The following LUZP2 variants were observed in gnomAD, a reference collection of about 807,000 sequenced individuals.
The protein encoded by LUZP2 is leucine zipper protein 2.
In LUZP2, 52 loss-of-function variants were observed where a neutral mutation model predicts 51.6. That is an observed-to-expected ratio of 1.01 (90% CI 0.81 to 1.27). LUZP2 has a LOEUF of 1.27. Ranked by LOEUF, LUZP2 falls within the 50% of genes most tolerant of loss-of-function variation. The probability of loss-of-function intolerance (pLI) is 0.00; values close to 1 mark genes in which losing one functional copy is unlikely to be tolerated. For missense variants in LUZP2, 436 were observed against 395.4 expected (o/e 1.10, Z -0.87); for synonymous variants, 154 against 137.3 (o/e 1.12, Z -0.85).
In LUZP2 at chr11:24,645,187, A is replaced by G. The variant is rs1424270270; in HGVS notation, c.63-83982A>G. Reference sequence around the variant, plus strand: ...CTATTGCAAATTTGAGAAAGAAAGGAAATATGTTTTTAAAGAGAGAGACCA... The same window carrying G: ...CTATTGCAAATTTGAGAAAGAAAGGGAATATGTTTTTAAAGAGAGAGACCA... On this transcript the variant is annotated intron_variant, in intron 1 of 11. Coordinates refer to ENST00000336930, the MANE Select transcript of LUZP2 (RefSeq NM_001009909.4). Among the ~76,000 whole-genome samples the G allele has an allele frequency of 2.0e-5, 3 of 152,154 alleles. No individual in the cohort carries two copies. In the East Asian group the frequency reaches 5.8e-4, roughly 29 times the overall value.
At chr11:24,594,848 C>T (rs1468084860) in intron 1 of LUZP2, among the ~76,000 whole-genome samples, 1 of 148,356 alleles carries the variant, frequency 6.7e-6, no homozygotes, top group Non-Finnish European at 1.5e-5. Context: ...CAACCTCTGC[C>T]TCCCGGGTTC....
intron 1 of LUZP2, among the ~76,000 whole-genome samples, chr11:24,636,308 C>T (rs1196222825): frequency 6.6e-6 from 1 of 152,076 alleles, no homozygotes; most frequent in Non-Finnish European, 1.5e-5. Flanking sequence ...TAAAAACATT[C>T]CCTATTCAAA....
chr11:24,792,243 T>A (rs979096534), intron 5 of LUZP2, among the ~76,000 whole-genome samples: 6 of 151,916 alleles, frequency 3.9e-5, no homozygotes, highest in African/African-American at 1.5e-4. Context: ...CCTGCCAACA[T>A]GGTGAAACAC....
At chr11:24,502,290 A>C (rs1850019673) in intron 1 of LUZP2, among the ~76,000 whole-genome samples, 1 of 149,066 alleles carries the variant, frequency 6.7e-6, no homozygotes, top group Admixed American at 6.6e-5. Flanking sequence ...GTCATCATCC[A>C]AAAGAAAAGA....
rs528953173 is a variant in LUZP2, at chr11:25,050,586, G to T, written c.858+456G>T. Reference sequence around the variant, plus strand: ...CCCAAAGGGCTGGGATTACAGGCATGAGCCACTGAGCCTGGCCGTAAATGT... The same window carrying T: ...CCCAAAGGGCTGGGATTACAGGCATTAGCCACTGAGCCTGGCCGTAAATGT... On this transcript the variant is annotated intron_variant, in intron 10 of 11. Transcript: ENST00000336930. Among the ~76,000 whole-genome samples, 5 of 152,216 alleles carry T rather than the reference G, an allele frequency of 3.3e-5. No individual in the cohort carries two copies. In the East Asian group the frequency reaches 9.7e-4, roughly 29 times the overall value.
rs1273605498 is a variant in LUZP2, at chr11:25,044,233, GTA to G, written c.766-5803_766-5802del. Among the ~76,000 whole-genome samples the G allele has an allele frequency of 1.1e-3, 51 of 44,744 alleles. No homozygotes were observed. The East Asian group carries it at 0.021, about 18-fold the overall frequency. 29.4% of individuals were successfully genotyped at this position (44,744 alleles called of 152,430 possible). ...TGTATATATATATGTGTGTGTATGTGTATGTGTGTGTGTGTGTGTGTGTGTAT... is the reference window on the plus strand; with the variant it reads ...TGTATATATATATGTGTGTGTATGTGTGTGTGTGTGTGTGTGTGTGTGTAT... On this transcript the variant is annotated intron_variant, in intron 9 of 11. Transcript: ENST00000336930.
At chr11:24,536,166 A>G (rs1359946667) in intron 1 of LUZP2, among the ~76,000 whole-genome samples, 1 of 151,772 alleles carries the variant, frequency 6.6e-6, no homozygotes, top group Non-Finnish European at 1.5e-5. Context: ...TATTTTTAAC[A>G]TGCCGGCAGA....
At chr11:24,569,538 C>A (rs1309459956) in intron 1 of LUZP2, among the ~76,000 whole-genome samples, 1 of 151,970 alleles carries the variant, frequency 6.6e-6, no homozygotes, top group Non-Finnish European at 1.5e-5. Flanking sequence ...ATATACAATT[C>A]TCTTTCATCA....
At chr11:24,700,036 T>A (rs12421285) in intron 1 of LUZP2, among the ~76,000 whole-genome samples, 25,455 of 148,342 alleles carry the variant, frequency 0.17, 2,335 homozygotes, top group East Asian at 0.31. Flanking sequence ...TTCAGATTAC[T>A]CTATGCCTAT....
At chr11:24,753,832 A>G (rs1859678048) in intron 4 of LUZP2, among the ~76,000 whole-genome samples, 1 of 152,134 alleles carries the variant, frequency 6.6e-6, no homozygotes, top group African/African-American at 2.4e-5. Context: ...ATTAATCAGT[A>G]TAGCCATTAC....
At chr11:24,525,193 T>C (rs1040687673) in intron 1 of LUZP2, among the ~76,000 whole-genome samples, 5 of 151,640 alleles carry the variant, frequency 3.3e-5, no homozygotes, top group African/African-American at 1.2e-4. Flanking sequence ...GAAACACTCA[T>C]TTTCCATATA....
In LUZP2 at chr11:24,763,250, A is replaced by G. The variant is rs753153335; in HGVS notation, c.338A>G (p.Asn113Ser). 17 of 1,375,870 alleles carry G rather than the reference A, an allele frequency of 1.2e-5. No homozygotes were observed. The South Asian group carries it at 2.9e-4, about 24-fold the overall frequency. The allele number at this position is 1,375,870 out of a possible 1,614,324, so 85.2% of individuals were successfully genotyped here. A position where few individuals can be genotyped will look rare whatever the true frequency, so the allele number is the denominator to read the frequency against. ...TAATAGTCTATTCATTTTCAGATTA[A>G]TTTTTTAAAGACTGAAGTTGAAAGA... ...EKAEKHQATI[N>S]FLKTEVERKS... Residue 113 changes from asparagine to serine, a missense_variant, in exon 5 of 12, where the codon AAT (asparagine) becomes AGT (serine). Coordinates refer to ENST00000336930, the MANE Select transcript of LUZP2 (RefSeq NM_001009909.4).
chr11:24,571,252 C>G (rs1852432208), intron 1 of LUZP2, among the ~76,000 whole-genome samples: 1 of 58,538 alleles, frequency 1.7e-5, no homozygotes. Flanking sequence ...CGTTCCAGCT[C>G]TAAGAGGCTG....
chr11:24,777,381 T>TG (rs1181622623), intron 5 of LUZP2, among the ~76,000 whole-genome samples: 3 of 77,794 alleles, frequency 3.9e-5, no homozygotes, highest in African/African-American at 1.0e-4. Flanking sequence ...AGTAAATTCA[T>TG]GCGGGGGGAT....
At chr11:24,845,554 C>G (rs2631474) in intron 5 of LUZP2, among the ~76,000 whole-genome samples, 1 of 151,868 alleles carries the variant, frequency 6.6e-6, no homozygotes, top group African/African-American at 2.4e-5. Flanking sequence ...CAGAATGATA[C>G]GGTTTGGCTG....
chr11:24,741,011 A>G (rs1441241257), intron 4 of LUZP2, among the ~76,000 whole-genome samples: 3 of 152,066 alleles, frequency 2.0e-5, no homozygotes, highest in Non-Finnish European at 4.4e-5. Context: ...ATATGATAAT[A>G]TTGTGGTAAG....
intron 1 of LUZP2, among the ~76,000 whole-genome samples, chr11:24,558,351 G>A (rs1324300342): frequency 3.4e-5 from 5 of 149,188 alleles, no homozygotes; most frequent in African/African-American, 1.3e-4. Flanking sequence ...ATAATAAAGT[G>A]AGCCAATTCT....
intron 7 of LUZP2, among the ~76,000 whole-genome samples, chr11:24,935,165 G>T (rs893814510): frequency 6.6e-6 from 1 of 152,128 alleles, no homozygotes; most frequent in Admixed American, 6.6e-5. Context: ...CTTTTCTTGT[G>T]CATCACGTTG....
intron 5 of LUZP2, among the ~76,000 whole-genome samples, chr11:24,814,925 G>A (rs1225454378): frequency 6.6e-6 from 1 of 151,572 alleles, no homozygotes; most frequent in African/African-American, 2.4e-5. Flanking sequence ...CCGGGAGGTG[G>A]AGCTTGCAGT....
Sources: allele counts gnomAD v4.1 joint callset (sites outside exome capture counted in the v4.1 genomes callset), GRCh38; gene constraint gnomAD v4.1.1; transcripts MANE v1.5; gene names NCBI Gene and HGNC (gene_info 2026-07-23, HGNC 2026-07-21).